DPYSL2: variants seen among roughly 807,000 people sequenced by gnomAD.
DPYSL2 encodes dihydropyrimidinase-related protein 2.
Under a neutral mutation model 69.9 loss-of-function variants are expected in DPYSL2, and 13 were observed. The observed-to-expected ratio is 0.19, with a 90% CI of 0.12 to 0.30. DPYSL2 has a LOEUF of 0.30. DPYSL2 is among the 10% of genes least tolerant of loss of function. The pLI, the probability that DPYSL2 is intolerant of heterozygous loss-of-function variation, is 1.00. For synonymous variants in DPYSL2, 326 were observed against 359.1 expected (o/e 0.91, Z 1.04); for missense variants, 587 against 918.9 (o/e 0.64, Z 4.67).
At chr8:26,520,327 G>T (rs1037232518) in intron 1 of DPYSL2, among the ~76,000 whole-genome samples, 4 of 152,150 alleles carry the variant, frequency 2.6e-5, no homozygotes, top group African/African-American at 9.7e-5. Flanking sequence ...CTAATGAAAA[G>T]CCAGAGGCAG....
In DPYSL2 at chr8:26,653,662, A is replaced by C. The variant is rs1482557114; in HGVS notation, c.1942+265A>C. On this transcript the variant is annotated intron_variant, in intron 13 of 13. Coordinates refer to ENST00000521913, the MANE Select transcript of DPYSL2 (RefSeq NM_001197293.3). The surrounding 1 kb of genome is among the most constrained non-coding windows in gnomAD (Gnocchi z 5.7). ...CAACCTCCACCTCCTGGTTCAAGTG[A>C]TTCTCATGTCTCAGCCTCCCAAGTA... 6.6e-6 allele frequency among the ~76,000 whole-genome samples: 1 copy of C among 152,080 alleles called. No individual in the cohort carries two copies. Among genetic ancestry groups the C allele is most frequent in the African/African-American group, 2.4e-5 (1 of 41,428 alleles).
Position 26,617,642 on chromosome 8 carries a change from A to G in DPYSL2, c.629-6501A>G, listed in dbSNP as rs921852135. The stretch of plus-strand genomic sequence containing the variant: ...TTTGCTAATATCCAAAATGCAGAAC[A>G]TTAGGGAACCGCTTGAGGCAGGAGG... On this transcript the variant is annotated intron_variant, in intron 3 of 13. Transcript: ENST00000521913. The surrounding 1 kb of genome is among the most constrained non-coding windows in gnomAD (Gnocchi z 4.7). 1.3e-5 allele frequency among the ~76,000 whole-genome samples: 2 copies of G among 152,218 alleles called. No individual in the cohort carries two copies.
At chr8:26,550,665 ACAAGT>A (rs1237716329) in intron 1 of DPYSL2, among the ~76,000 whole-genome samples, 8 of 152,304 alleles carry the variant, frequency 5.3e-5, no homozygotes, top group African/African-American at 1.9e-4. Context: ...CTGATAGATG[ACAAGT>A]GGCTTATTAG....
chr8:26,629,169 A>G (rs1479310735), intron 7 of DPYSL2, among the ~76,000 whole-genome samples: 1 of 152,152 alleles, frequency 6.6e-6, no homozygotes, highest in African/African-American at 2.4e-5. Context: ...ATGCATATGC[A>G]CACATAGACA....
At chr8:26,574,237 T>C (rs1801289023) in intron 1 of DPYSL2, among the ~76,000 whole-genome samples, 1 of 151,934 alleles carries the variant, frequency 6.6e-6, no homozygotes, top group African/African-American at 2.4e-5. Context: ...GGGCAAGATG[T>C]AGATTAGGGA....
rs1808288606 is a variant in DPYSL2 at position 26,516,280 on chromosome 8, A to T, written c.354+1601A>T. ...TGAAGTAAAAGTTTCTAATAATGTA[A>T]CTTATACTGAAAGCTGAGTGAGTGT... On this transcript the variant is annotated intron_variant, in intron 1 of 13. Transcript: ENST00000521913. The surrounding 1 kb of genome is among the most constrained non-coding windows in gnomAD (Gnocchi z 4.8). Among the ~76,000 whole-genome samples the T allele has an allele frequency of 6.6e-6, 1 of 152,188 alleles. No homozygotes were observed. The highest frequency in any genetic ancestry group is 1.5e-5 in the Non-Finnish European group (1 of 68,040).
intron 1 of DPYSL2, among the ~76,000 whole-genome samples, chr8:26,529,329 C>CTATA (rs1221132835): frequency 8.6e-5 from 13 of 151,602 alleles, no homozygotes; most frequent in African/African-American, 2.7e-4. Flanking sequence ...TATCATCTAT[C>CTATA]TATCTATATA....
At chr8:26,534,389 G>T (rs1026667205) in intron 1 of DPYSL2, among the ~76,000 whole-genome samples, 1 of 151,736 alleles carries the variant, frequency 6.6e-6, no homozygotes, top group Admixed American at 6.6e-5. Context: ...GAACTCCTGG[G>T]CTCAAATGAT....
chr8:26,633,306 G>A (rs1342563785), intron 7 of DPYSL2, among the ~76,000 whole-genome samples: 1 of 152,100 alleles, frequency 6.6e-6, no homozygotes, highest in African/African-American at 2.4e-5. Flanking sequence ...TGGAGAGGGA[G>A]CCAGTGATGT....
intron 3 of DPYSL2, among the ~76,000 whole-genome samples, chr8:26,601,420 C>G (rs1801989163): frequency 6.6e-6 from 1 of 151,702 alleles, no homozygotes; most frequent in Non-Finnish European, 1.5e-5. Flanking sequence ...CTCTGTCCCC[C>G]AGGCTGGAGT....
Position 26,655,789 on chromosome 8 carries a change from T to G in DPYSL2, c.*83T>G. ...GAGACTTCTTTCTTCCTTCCTTTTT[T>G]TTTTTTTGTTTTTTTTTTTAAGAGC... On this transcript the variant is annotated 3_prime_UTR_variant, in exon 14 of 14. Coordinates refer to ENST00000521913, the MANE Select transcript of DPYSL2 (RefSeq NM_001197293.3). The G allele has an allele frequency of 8.2e-7, 1 of 1,225,416 alleles. No individual in the cohort carries two copies. The highest frequency in any genetic ancestry group is 1.1e-6 in the Non-Finnish European group (1 of 909,556). The allele number at this position is 1,225,416 out of a possible 1,614,324, so 75.9% of individuals were successfully genotyped here.
At position 26,558,778 on chromosome 8, in the gene DPYSL2, T is replaced by G. The variant is rs781446661; in HGVS notation, c.355-23191T>G. 8.1e-4 allele frequency among the ~76,000 whole-genome samples: 123 copies of G among 152,288 alleles called. 1 individual carries two copies. The highest frequency in any genetic ancestry group is 3.4e-3 in the Middle Eastern group (1 of 294). On this transcript the variant is annotated intron_variant, in intron 1 of 13. Coordinates refer to ENST00000521913, the MANE Select transcript of DPYSL2 (RefSeq NM_001197293.3). The stretch of plus-strand genomic sequence containing the variant: ...ACCTAAACTGCTCTAAAAAATAAAG[T>G]CTATTAATTTAAAAAGATGGGATCC...
At chr8:26,538,291 A>G (rs1045650718) in intron 1 of DPYSL2, among the ~76,000 whole-genome samples, 3 of 152,220 alleles carry the variant, frequency 2.0e-5, no homozygotes, top group African/African-American at 4.8e-5. Flanking sequence ...CTACTTGCCA[A>G]TGAAAATAGT....
Position 26,597,387 on chromosome 8 carries a change from G to A in DPYSL2, c.628+13404G>A, listed in dbSNP as rs542447699. Among the ~76,000 whole-genome samples, 1 of 152,210 alleles carries A rather than the reference G, an allele frequency of 6.6e-6. No homozygotes were observed. The highest frequency in any genetic ancestry group is 1.5e-5 in the Non-Finnish European group (1 of 68,040). On this transcript the variant is annotated intron_variant, in intron 3 of 13. Transcript: ENST00000521913. The surrounding 1 kb of genome is among the most constrained non-coding windows in gnomAD (Gnocchi z 5.2). Reference sequence around the variant, plus strand: ...CTCATCTTTTGCATTTCTCTGAATCGCTTTGGCGTGGGCTTTTATGAGGTT... The same window carrying A: ...CTCATCTTTTGCATTTCTCTGAATCACTTTGGCGTGGGCTTTTATGAGGTT...
At chr8:26,519,101 G>T (rs948362377) in intron 1 of DPYSL2, among the ~76,000 whole-genome samples, 1 of 152,172 alleles carries the variant, frequency 6.6e-6, no homozygotes, top group South Asian at 2.1e-4. Context: ...AATGTTATGT[G>T]GTTCACAAAC....
rs1256757278 is a variant in DPYSL2 at position 26,644,407 on chromosome 8, G to A, written c.1425+316G>A. ...CTGTAGCCTCAAACTCCTGGGCTCA[G>A]GTGATCCTCCCATCTCAGTCTCCTG... On this transcript the variant is annotated intron_variant, in intron 10 of 13. Transcript: ENST00000521913. This position sits in a 1 kb window ranked among gnomAD's most constrained non-coding sequence, Gnocchi z 4.5. Among the ~76,000 whole-genome samples the A allele has an allele frequency of 6.6e-6, 1 of 152,070 alleles. No individual in the cohort carries two copies. The highest frequency in any genetic ancestry group is 2.4e-5 in the African/African-American group (1 of 41,384).
At chr8:26,532,660 A>T (rs1021064813) in intron 1 of DPYSL2, among the ~76,000 whole-genome samples, 5 of 152,160 alleles carry the variant, frequency 3.3e-5, no homozygotes, top group African/African-American at 1.2e-4. Context: ...CTCTCAGCAC[A>T]ATGTTTTCCA....
intron 7 of DPYSL2, among the ~76,000 whole-genome samples, chr8:26,629,000 T>G (rs1802678125): frequency 6.6e-6 from 1 of 151,938 alleles, no homozygotes; most frequent in Non-Finnish European, 1.5e-5. Flanking sequence ...CTGCCTCGGG[T>G]GCAGGAGGGG....
rs545023492 is a variant in DPYSL2, at chr8:26,614,609, T to C, written c.629-9534T>C. Among the ~76,000 whole-genome samples, 1 of 152,336 alleles carries C rather than the reference T, an allele frequency of 6.6e-6. No individual in the cohort carries two copies. The highest frequency in any genetic ancestry group is 6.5e-5 in the Admixed American group (1 of 15,306). On this transcript the variant is annotated intron_variant, in intron 3 of 13. Transcript: ENST00000521913. This position sits in a 1 kb window ranked among gnomAD's most constrained non-coding sequence, Gnocchi z 4.9. Reference sequence around the variant, plus strand: ...TTTGTTTTATAAGCGTTTTACCAGATCTTGGCTTAACACTTCCCCCAGAGT... The same window carrying C: ...TTTGTTTTATAAGCGTTTTACCAGACCTTGGCTTAACACTTCCCCCAGAGT...
Sources: allele counts gnomAD v4.1 joint callset (sites outside exome capture counted in the v4.1 genomes callset), GRCh38; gene constraint gnomAD v4.1.1; non-coding constraint Gnocchi (gnomAD v3.1); transcripts MANE v1.5; gene names NCBI Gene and HGNC (gene_info 2026-07-23, HGNC 2026-07-21).